POLE: variants seen among roughly 807,000 people sequenced by gnomAD.
The protein encoded by POLE is DNA polymerase epsilon, catalytic subunit.
In POLE, 188 loss-of-function variants were observed where a neutral mutation model predicts 279.2. The observed-to-expected ratio is 0.67, with a 90% CI of 0.60 to 0.76. The LOEUF (loss-of-function observed/expected upper bound fraction) is 0.76, where lower values mean the gene tolerates loss of function less well. POLE is among the 30% of genes least tolerant of loss of function. The pLI is 0.00. For missense variants in POLE, 2,703 were observed against 3,016.7 expected (o/e 0.90, Z 2.44); for synonymous variants, 1,214 against 1,172.5 (o/e 1.04, Z -0.72).
intron 15 of POLE, 69 bp downstream of exon 15, chr12:132,672,558 C>T: frequency 1.3e-6 from 2 of 1,492,426 alleles, no homozygotes. Flanking sequence ...TTATTTCAGC[C>T]CCTGCAGCTT....
At chr12:132,653,980 T>C (rs1450708361) in intron 29 of POLE, among the ~76,000 whole-genome samples, 1 of 152,246 alleles carries the variant, frequency 6.6e-6, no homozygotes, top group Non-Finnish European at 1.5e-5. Context: ...AAAACTAACC[T>C]GGCAAATTCT....
intron 29 of POLE, among the ~76,000 whole-genome samples, chr12:132,656,043 C>T (rs1338053369): frequency 6.6e-6 from 1 of 151,864 alleles, no homozygotes; most frequent in Non-Finnish European, 1.5e-5. Flanking sequence ...ATTAGCTAGG[C>T]ATGGTGGTGC....
rs1206287735 is a variant in POLE, at chr12:132,668,487, C to A, written c.2042G>T (p.Ser681Ile). 1 of 1,598,892 alleles carries A rather than the reference C, an allele frequency of 6.3e-7. No individual in the cohort carries two copies. Among genetic ancestry groups the A allele is most frequent in the Non-Finnish European group, 8.5e-7 (1 of 1,171,606 alleles). ...WRGEFMPASR[S>I]EYHRIQHQLE... ...CTGGTGCTGGATCCGATGGTATTCG[C>A]TGCGACTGGCTGGCACTGGGAAGGA... Residue 681 changes from serine (S) to isoleucine (I), a missense_variant, in exon 19 of 49, where the codon AGC (serine) becomes ATC (isoleucine). Ser to Ile is a moderately radical substitution (Grantham distance 142). Around this residue, in one of 5 missense-constraint regions of POLE, gnomAD observed 1,011 missense variants for 1,111.7 expected, o/e 0.91. Transcript: ENST00000320574. This position sits in a 1 kb window ranked among gnomAD's most constrained non-coding sequence, Gnocchi z 4.0.
At position 132,676,358 on chromosome 12, in the gene POLE, C is replaced by G. The variant is rs536134388; in HGVS notation, c.910-154G>C. 1.5e-5 allele frequency: 11 copies of G among 722,764 alleles called. No homozygotes were observed. In the African/African-American group the frequency reaches 1.6e-4, roughly 11 times the overall value. 44.8% of individuals were successfully genotyped at this position (722,764 alleles called of 1,614,324 possible). ...TTTAAGCTTCCTGAGAAGAGACGCTCTGTGTGTGGATTCCCACTCGAAAGG... is the reference window on the plus strand; with the variant it reads ...TTTAAGCTTCCTGAGAAGAGACGCTGTGTGTGTGGATTCCCACTCGAAAGG... On this transcript the variant is annotated intron_variant, in intron 9 of 48. Transcript: ENST00000320574.
intron 25 of POLE, chr12:132,659,838 C>A: frequency 3.6e-6 from 1 of 281,512 alleles, no homozygotes. Context: ...ATTACAGGCA[C>A]ATGCCATCAC....
At chr12:132,682,744 G>C (rs2043195997) in intron 1 of POLE, among the ~76,000 whole-genome samples, 1 of 152,026 alleles carries the variant, frequency 6.6e-6, no homozygotes, top group South Asian at 2.1e-4. Flanking sequence ...TTGAGGCCAG[G>C]AGTTTGAGAC....
intron 16 of POLE, among the ~76,000 whole-genome samples, chr12:132,671,678 G>GAAAA (rs59237637): frequency 1.2e-4 from 9 of 72,536 alleles, no homozygotes; most frequent in African/African-American, 5.0e-4. Flanking sequence ...CTCAAAAAGG[G>GAAAA]AAAAAAAAAA....
intron 29 of POLE, chr12:132,650,872 C>CTTTTTTTTTTT (rs372563000): frequency 3.7e-5 from 4 of 108,662 alleles, no homozygotes; most frequent in Non-Finnish European, 5.4e-5. Context: ...AACTTGTTTC[C>CTTTTTTTTTTT]TTTTTTTTTT....
chr12:132,624,601 G>T lies in POLE; in HGVS notation c.*96C>A. ...CTGGGGTCACAGGTTTGGACAGTCAGGGTGGTCAGTGGTCTGGTCACTGGA... is the reference window on the plus strand; with the variant it reads ...CTGGGGTCACAGGTTTGGACAGTCATGGTGGTCAGTGGTCTGGTCACTGGA... On this transcript the variant is annotated 3_prime_UTR_variant, in exon 49 of 49. Transcript: ENST00000320574. The T allele has an allele frequency of 1.3e-6, 1 of 791,174 alleles. No individual in the cohort carries two copies. Among genetic ancestry groups the T allele is most frequent in the South Asian group, 1.4e-5 (1 of 73,500 alleles). The allele number at this position is 791,174 out of a possible 1,614,324, so 49.0% of individuals were successfully genotyped here. A position where few individuals can be genotyped will look rare whatever the true frequency, so the allele number is the denominator to read the frequency against.
At chr12:132,682,407 C>T (rs1015594085) in intron 1 of POLE, among the ~76,000 whole-genome samples, 3 of 151,872 alleles carry the variant, frequency 2.0e-5, no homozygotes, top group African/African-American at 7.3e-5. Context: ...TCACTTGAAC[C>T]CTAGAGGTGG....
intron 47 of POLE, 40 bp from the exon 48 acceptor site, chr12:132,625,034 G>C (rs765169444): frequency 6.6e-7 from 1 of 1,506,516 alleles, no homozygotes. Context: ...GCCCTCCCGC[G>C]CTGGCCAGAC....
intron 1 of POLE, among the ~76,000 whole-genome samples, chr12:132,681,862 T>C (rs950319781): frequency 2.0e-5 from 3 of 152,092 alleles, no homozygotes; most frequent in African/African-American, 7.2e-5. Flanking sequence ...TGAGAGTGCA[T>C]GTAACACTGA....
chr12:132,630,569 G>A (rs1156872628), intron 45 of POLE, among the ~76,000 whole-genome samples: 2 of 152,096 alleles, frequency 1.3e-5, no homozygotes. Context: ...GGCCAACATG[G>A]TGAAACTCCG....
At position 132,635,958 on chromosome 12, in the gene POLE, G is replaced by C. The variant is rs760495946; in HGVS notation, c.5745C>G (p.Leu1915=). The C allele has an allele frequency of 4.3e-6, 7 of 1,613,850 alleles. No individual in the cohort carries two copies. Among genetic ancestry groups the C allele is most frequent in the Admixed American group, 1.7e-5 (1 of 59,986 alleles). The change falls in exon 42 of 49, where the codon CTC becomes CTG. Residue 1915 remains leucine (L), a synonymous_variant. Coordinates refer to ENST00000320574, the MANE Select transcript of POLE (RefSeq NM_006231.4). ...CGCCATAGTTAGATGGATCCATCCAGAGAAGAAATTCCCAGCATCGAGAGA... is the reference window on the plus strand; with the variant it reads ...CGCCATAGTTAGATGGATCCATCCACAGAAGAAATTCCCAGCATCGAGAGA... The part of the protein sequence containing the change: ...ISFSRCWEFL[L]WMDPSNYGGI...
intron 1 of POLE, among the ~76,000 whole-genome samples, chr12:132,686,363 A>G (rs2043266529): frequency 6.6e-6 from 1 of 151,776 alleles, no homozygotes; most frequent in Non-Finnish European, 1.5e-5. Flanking sequence ...GCTCAGGTGA[A>G]CCTCCGGCTC....
At position 132,673,792 on chromosome 12, in the gene POLE, A is replaced by G. The variant is rs574598534; in HGVS notation, c.1227-85T>C. On this transcript the variant is annotated intron_variant, in intron 12 of 48. Coordinates refer to ENST00000320574, the MANE Select transcript of POLE (RefSeq NM_006231.4). ...GAGAACTGGCAAAACTGGGCACCAC[A>G]CAGACAGATGCAAGTTCCTAACAGG... The G allele has an allele frequency of 1.4e-5, 21 of 1,525,340 alleles. No homozygotes were observed. In the East Asian group the frequency reaches 3.8e-4, roughly 28 times the overall value. 94.5% of individuals were successfully genotyped at this position (1,525,340 alleles called of 1,614,324 possible).
At chr12:132,667,245 T>C (rs546732628) in intron 20 of POLE, among the ~76,000 whole-genome samples, 1 of 152,316 alleles carries the variant, frequency 6.6e-6, no homozygotes, top group Non-Finnish European at 1.5e-5. Flanking sequence ...CAGCCAGCTG[T>C]AGCTTGCTGA....
chr12:132,681,305 C>T (rs1341939713), intron 1 of POLE, 26 bp from the exon 2 acceptor site: 5 of 1,604,942 alleles, frequency 3.1e-6, no homozygotes, highest in Middle Eastern at 1.7e-4. Flanking sequence ...GAACCCCGTG[C>T]TTAATTTGTA....
At chr12:132,629,948 C>T (rs1220885331) in intron 45 of POLE, among the ~76,000 whole-genome samples, 5 of 152,150 alleles carry the variant, frequency 3.3e-5, no homozygotes, top group African/African-American at 9.7e-5. Flanking sequence ...CATTGCAGGG[C>T]TATTAACTTA....
Sources: allele counts gnomAD v4.1 joint callset (sites outside exome capture counted in the v4.1 genomes callset), GRCh38; gene constraint gnomAD v4.1.1; regional missense constraint gnomAD v4.1.1; non-coding constraint Gnocchi (gnomAD v3.1); transcripts MANE v1.5; gene names NCBI Gene and HGNC (gene_info 2026-07-23, HGNC 2026-07-21).